The following BTBD7 variants were observed in gnomAD, a reference collection of about 807,000 sequenced individuals.
BTBD7 encodes the protein BTB/POZ domain-containing protein 7.
A neutral mutation model predicts 99.9 loss-of-function variants in BTBD7; 38 were observed. That is an observed-to-expected ratio of 0.38 (90% CI 0.29 to 0.50). BTBD7 has a LOEUF of 0.50. Ranked by LOEUF, BTBD7 falls within the 20% of genes least tolerant of loss-of-function variation. BTBD7 has a pLI of 0.93. For missense variants in BTBD7, 1,170 were observed against 1,394.6 expected (o/e 0.84, Z 2.57); for synonymous variants, 520 against 511.4 (o/e 1.02, Z -0.23).
chr14:93,266,053 A>C (rs1467039678), intron 3 of BTBD7, among the ~76,000 whole-genome samples: 1 of 152,258 alleles, frequency 6.6e-6, no homozygotes, highest in African/African-American at 2.4e-5. Flanking sequence ...TTGCCTAAAA[A>C]GACTGATCAA....
chr14:93,296,199 GTA>G (rs1346580170), intron 1 of BTBD7, 42 bp from the exon 2 acceptor site: 3 of 1,255,614 alleles, frequency 2.4e-6, no homozygotes, highest in African/African-American at 1.5e-5. Context: ...TTTTTCAAGT[GTA>G]TCTCAGATCA....
At chr14:93,321,316 G>C (rs907519497) in intron 1 of BTBD7, among the ~76,000 whole-genome samples, 2 of 152,204 alleles carry the variant, frequency 1.3e-5, no homozygotes, top group East Asian at 1.9e-4. Flanking sequence ...TCTTTTAAGG[G>C]GGGCAGTGGC....
intron 3 of BTBD7, among the ~76,000 whole-genome samples, chr14:93,285,812 T>C (rs1384470284): frequency 2.0e-5 from 3 of 152,240 alleles, no homozygotes; most frequent in East Asian, 1.9e-4. Flanking sequence ...CTTTTAAATA[T>C]AGGTACTGCT....
intron 3 of BTBD7, among the ~76,000 whole-genome samples, chr14:93,277,818 C>G (rs1375471207): frequency 6.6e-6 from 1 of 152,138 alleles, no homozygotes; most frequent in Non-Finnish European, 1.5e-5. Context: ...GGAGCGTAGT[C>G]TGAAGAGAGC....
intron 1 of BTBD7, among the ~76,000 whole-genome samples, chr14:93,309,467 C>A (rs1360573332): frequency 1.3e-5 from 2 of 150,604 alleles, no homozygotes; most frequent in African/African-American, 4.9e-5. Flanking sequence ...GGCCTTCAAT[C>A]CCTCATCTAG....
chr14:93,329,191 T>A (rs184887385), intron 1 of BTBD7, among the ~76,000 whole-genome samples: 11,928 of 151,778 alleles, frequency 0.079, 984 homozygotes, highest in African/African-American at 0.21. Flanking sequence ...CAAAAAAAAA[T>A]CCTAATTAGA....
intron 1 of BTBD7, among the ~76,000 whole-genome samples, chr14:93,312,349 C>T (rs1216524437): frequency 6.6e-6 from 1 of 152,120 alleles, no homozygotes; most frequent in Non-Finnish European, 1.5e-5. Context: ...GCTTAAAGTA[C>T]CAGTTAAAGA....
chr14:93,287,771 A>C (rs1186879931), intron 3 of BTBD7: 1 of 152,116 alleles, frequency 6.6e-6, no homozygotes, highest in African/African-American at 2.4e-5. Context: ...GATGCGTGGG[A>C]TCTCCCTTTG....
chr14:93,253,601 T>C lies in BTBD7; in HGVS notation c.1752+46A>G, dbSNP rs752126317. ...ACTACAGTGAACCACTTTGTGCATA[T>C]GGTTTGTAATAAAGTAGTCTACTAT... On this transcript the variant is annotated intron_variant, in intron 7 of 10. Transcript: ENST00000334746. 10 of 1,545,834 alleles carry C rather than the reference T, an allele frequency of 6.5e-6. No homozygotes were observed. The East Asian group carries it at 1.6e-4, about 24-fold the overall frequency.
Position 93,242,794 on chromosome 14 carries a change from GAGC to G in BTBD7, c.2875_2877del (p.Ala959del). ...GAAGGGGAAGGGGTGCGTCTGCTGAGAGCAGGAGTAGAAGGTCTGCAAGCAGCA... is the reference window on the plus strand; with the variant it reads ...GAAGGGGAAGGGGTGCGTCTGCTGAGAGGAGTAGAAGGTCTGCAAGCAGCA... On this transcript the variant is annotated inframe_deletion, in exon 11 of 11. Transcript: ENST00000334746. The G allele has an allele frequency of 6.2e-7, 1 of 1,614,214 alleles. No homozygotes were observed. The highest frequency in any genetic ancestry group is 8.5e-7 in the Non-Finnish European group (1 of 1,180,034).
chr14:93,248,097 C>T (rs1403417688), intron 9 of BTBD7, among the ~76,000 whole-genome samples: 1 of 152,178 alleles, frequency 6.6e-6, no homozygotes, highest in African/African-American at 2.4e-5. Flanking sequence ...ATTTTTTTAG[C>T]AGTCCCCACT....
chr14:93,273,442 C>T (rs2052620863), intron 3 of BTBD7, among the ~76,000 whole-genome samples: 1 of 152,112 alleles, frequency 6.6e-6, no homozygotes, highest in Admixed American at 6.6e-5. Flanking sequence ...GGGCAGATTG[C>T]CAAAATTCAG....
At chr14:93,257,504 C>A in intron 5 of BTBD7, 149 bp from the exon 6 acceptor site, 1 of 672,630 alleles carries the variant, frequency 1.5e-6, no homozygotes. Flanking sequence ...TATTTTCTTT[C>A]ATGTTTGTTT....
At chr14:93,253,103 T>A (rs1053001542) in intron 7 of BTBD7, among the ~76,000 whole-genome samples, 1 of 152,202 alleles carries the variant, frequency 6.6e-6, no homozygotes, top group African/African-American at 2.4e-5. Flanking sequence ...CATTTTCACA[T>A]TACCGTATTT....
intron 1 of BTBD7, among the ~76,000 whole-genome samples, chr14:93,314,728 T>C (rs2053179384): frequency 6.6e-6 from 1 of 152,182 alleles, no homozygotes; most frequent in Admixed American, 6.5e-5. Context: ...TTTGAAGACA[T>C]ATTGTCAGAA....
At chr14:93,308,377 G>C (rs183166531) in intron 1 of BTBD7, among the ~76,000 whole-genome samples, 1 of 151,846 alleles carries the variant, frequency 6.6e-6, no homozygotes, top group African/African-American at 2.4e-5. Context: ...GGATCACAGC[G>C]TACATATACC....
At chr14:93,328,935 A>G (rs1423259976) in intron 1 of BTBD7, among the ~76,000 whole-genome samples, 2 of 152,174 alleles carry the variant, frequency 1.3e-5, no homozygotes, top group African/African-American at 4.8e-5. Context: ...AAAGAAAGAA[A>G]ACATAGGGGA....
At chr14:93,312,573 C>T (rs1176928707) in intron 1 of BTBD7, among the ~76,000 whole-genome samples, 1 of 152,098 alleles carries the variant, frequency 6.6e-6, no homozygotes, top group African/African-American at 2.4e-5. Flanking sequence ...CAGGAGTGGC[C>T]AACCCAGAGA....
At position 93,243,099 on chromosome 14, in the gene BTBD7, A is replaced by G. The variant is rs776858914; in HGVS notation, c.2584-11T>C. ...CACAGGTTGTGTTCGCTGCAGACAGAGACAAAAATGGTGGGAGGGTTAAAA... is the reference window on the plus strand; with the variant it reads ...CACAGGTTGTGTTCGCTGCAGACAGGGACAAAAATGGTGGGAGGGTTAAAA... On this transcript the variant is annotated splice_polypyrimidine_tract_variant and intron_variant, in intron 10 of 10. Transcript: ENST00000334746. The G allele has an allele frequency of 3.1e-6, 5 of 1,599,938 alleles. No individual in the cohort carries two copies. The Admixed American group carries it at 8.4e-5, about 27-fold the overall frequency.
Sources: gnomAD v4.1 joint callset for allele counts (sites outside exome capture counted in the v4.1 genomes callset) on GRCh38, gnomAD v4.1.1 for gene constraint, MANE v1.5 for transcripts, NCBI Gene and HGNC (gene_info 2026-07-23, HGNC 2026-07-21) for gene names.